The following PBX3 variants were observed in gnomAD, a reference collection of about 807,000 sequenced individuals.
The protein encoded by PBX3 is PBX homeobox 3, also known as pre-B-cell leukemia transcription factor 3.
A neutral mutation model predicts 48.5 loss-of-function variants in PBX3; 14 were observed. The observed-to-expected ratio is 0.29, with a 90% CI of 0.19 to 0.45. The LOEUF (loss-of-function observed/expected upper bound fraction) is 0.45, where lower values mean the gene tolerates loss of function less well. PBX3 is among the 20% of genes least tolerant of loss of function. The probability of loss-of-function intolerance (pLI) is 1.00; values close to 1 mark genes in which losing one functional copy is unlikely to be tolerated. For synonymous variants in PBX3, 210 were observed against 200.3 expected (o/e 1.05, Z -0.41); for missense variants, 386 against 546.7 (o/e 0.71, Z 2.93).
At chr9:125,758,363 A>C (rs1382899890) in intron 2 of PBX3, among the ~76,000 whole-genome samples, 1 of 151,986 alleles carries the variant, frequency 6.6e-6, no homozygotes, top group Non-Finnish European at 1.5e-5. Context: ...GTTACTTTTA[A>C]ATTTCTAATA....
intron 2 of PBX3, among the ~76,000 whole-genome samples, chr9:125,800,422 A>T (rs377122309): frequency 2.6e-5 from 4 of 152,228 alleles, no homozygotes; most frequent in African/African-American, 9.6e-5. Context: ...AGAAAACAGT[A>T]CTTTATTAAT....
At chr9:125,939,195 A>T (rs1841905894) in intron 5 of PBX3, among the ~76,000 whole-genome samples, 1 of 152,214 alleles carries the variant, frequency 6.6e-6, no homozygotes, top group African/African-American at 2.4e-5. Context: ...CTGCAAGAAG[A>T]TATTTACAAG....
chr9:125,935,139 T>C (rs1841807247), intron 4 of PBX3, among the ~76,000 whole-genome samples: 2 of 152,312 alleles, frequency 1.3e-5, no homozygotes, highest in South Asian at 4.1e-4. Context: ...ACTCTTCCTC[T>C]GCCCAGTCCT....
At chr9:125,764,743 C>G (rs1836759015) in intron 2 of PBX3, among the ~76,000 whole-genome samples, 1 of 152,128 alleles carries the variant, frequency 6.6e-6, no homozygotes, top group South Asian at 2.1e-4. Context: ...GTTGCCTTTG[C>G]TGATTGCAAA....
chr9:125,763,385 T>G (rs1836721177), intron 2 of PBX3, among the ~76,000 whole-genome samples: 1 of 152,248 alleles, frequency 6.6e-6, no homozygotes, highest in South Asian at 2.1e-4. Context: ...ACCGATTACA[T>G]GTAAACAGCC....
intron 5 of PBX3, chr9:125,949,582 T>C: frequency 7.9e-7 from 1 of 1,266,480 alleles, no homozygotes; most frequent in South Asian, 2.3e-5. Flanking sequence ...TCATTTTTGA[T>C]GAGAATTAAT....
intron 2 of PBX3, among the ~76,000 whole-genome samples, chr9:125,799,236 C>T (rs749763766): frequency 2.6e-5 from 4 of 152,078 alleles, no homozygotes; most frequent in Admixed American, 6.5e-5. Context: ...AGAAGCAGGC[C>T]GGTTCAGTGG....
At chr9:125,793,370 T>TAC (rs1332945458) in intron 2 of PBX3, among the ~76,000 whole-genome samples, 2 of 125,206 alleles carry the variant, frequency 1.6e-5, no homozygotes, top group Non-Finnish European at 3.2e-5. Flanking sequence ...AAAAAAAATA[T>TAC]ATATATATAT....
rs766883886 is a variant in PBX3, at chr9:125,962,251, G to C, written c.1122+37G>C. 17 of 1,240,994 alleles carry C rather than the reference G, an allele frequency of 1.4e-5. No individual in the cohort carries two copies. In the South Asian group the frequency reaches 1.9e-4, roughly 14 times the overall value. 76.9% of individuals were successfully genotyped at this position (1,240,994 alleles called of 1,614,324 possible). On this transcript the variant is annotated intron_variant, in intron 7 of 8. Transcript: ENST00000373489. ...GCCCCAGTGGGGCCTTTCTAGCAGG[G>C]TAGGGTTTGGGCTCAAAACTCCTTC...
chr9:125,827,851 A>G (rs1588190842), intron 2 of PBX3, among the ~76,000 whole-genome samples: 1 of 152,176 alleles, frequency 6.6e-6, no homozygotes, highest in South Asian at 2.1e-4. Flanking sequence ...TTGGGTTTAT[A>G]GAGTATGTGT....
At chr9:125,861,056 C>T (rs1199732912) in intron 2 of PBX3, among the ~76,000 whole-genome samples, 1 of 152,018 alleles carries the variant, frequency 6.6e-6, no homozygotes, top group Non-Finnish European at 1.5e-5. Flanking sequence ...GAGGCAGAGG[C>T]AGGAGGATCA....
intron 2 of PBX3, among the ~76,000 whole-genome samples, chr9:125,814,781 AAG>A (rs1838409053): frequency 6.6e-6 from 1 of 152,188 alleles, no homozygotes; most frequent in African/African-American, 2.4e-5. Context: ...TAATTTTATG[AAG>A]AGTGTTTTAA....
intron 2 of PBX3, among the ~76,000 whole-genome samples, chr9:125,858,137 G>T (rs1247144181): frequency 6.6e-6 from 1 of 152,196 alleles, no homozygotes; most frequent in African/African-American, 2.4e-5. Flanking sequence ...GCCAAAGCGG[G>T]AGGATCACAT....
In PBX3 at chr9:125,892,194, A is replaced by T. The variant is rs376276307; in HGVS notation, c.275-23492A>T. ...CACCAAGGCCTCCCAAAGTGCTGGG[A>T]TTAGAGGCATGAGCCACCACTCCTG... On this transcript the variant is annotated intron_variant, in intron 2 of 8. Coordinates refer to ENST00000373489, the MANE Select transcript of PBX3 (RefSeq NM_006195.6). Among the ~76,000 whole-genome samples the T allele has an allele frequency of 4.6e-5, 7 of 152,316 alleles. 1 individual carries two copies. The highest frequency in any genetic ancestry group is 3.9e-4 in the East Asian group (2 of 5,182).
At chr9:125,836,256 C>A (rs1173365372) in intron 2 of PBX3, among the ~76,000 whole-genome samples, 2 of 152,072 alleles carry the variant, frequency 1.3e-5, no homozygotes, top group African/African-American at 4.8e-5. Flanking sequence ...CCATCCTGGC[C>A]AACATGGTGA....
At chr9:125,929,383 G>A (rs1176330486) in intron 3 of PBX3, among the ~76,000 whole-genome samples, 2 of 152,256 alleles carry the variant, frequency 1.3e-5, no homozygotes, top group African/African-American at 4.8e-5. Flanking sequence ...GAGCATCCTC[G>A]AATGGGAAAA....
chr9:125,811,024 T>C (rs972198167), intron 2 of PBX3, among the ~76,000 whole-genome samples: 3 of 152,188 alleles, frequency 2.0e-5, no homozygotes, highest in Non-Finnish European at 4.4e-5. Context: ...TATAAACTTC[T>C]CTTCTGCTAA....
At chr9:125,802,883 C>T (rs944517257) in intron 2 of PBX3, among the ~76,000 whole-genome samples, 4 of 151,524 alleles carry the variant, frequency 2.6e-5, no homozygotes, top group African/African-American at 4.9e-5. Context: ...TTCCCCATAT[C>T]GGTCAAACTG....
chr9:125,916,445 A>G (rs1841336686), intron 3 of PBX3, among the ~76,000 whole-genome samples: 2 of 152,134 alleles, frequency 1.3e-5, no homozygotes, highest in South Asian at 2.1e-4. Context: ...GAGACCTCCC[A>G]AGATAATTAT....
Sources: allele counts gnomAD v4.1 joint callset (sites outside exome capture counted in the v4.1 genomes callset), GRCh38; gene constraint gnomAD v4.1.1; transcripts MANE v1.5; gene names NCBI Gene and HGNC (gene_info 2026-07-23, HGNC 2026-07-21).